UNC5B: variants seen among roughly 807,000 people sequenced by gnomAD.
UNC5B encodes netrin receptor UNC5B.
UNC5B carries 56 observed loss-of-function variants against 103.7 expected under a neutral mutation model. That is an observed-to-expected ratio of 0.54 (90% CI 0.44 to 0.67). The LOEUF is 0.67. Among genes scored for constraint, UNC5B ranks in the 30% least tolerant of loss-of-function variants. The pLI is 0.00. For synonymous variants in UNC5B, 577 were observed against 542.0 expected (o/e 1.06, Z -0.90); for missense variants, 1,194 against 1,284.5 (o/e 0.93, Z 1.08).
chr10:71,284,554 T>C lies in UNC5B; in HGVS notation c.305-166T>C, dbSNP rs567638558. On this transcript the variant is annotated intron_variant, in intron 2 of 16. Coordinates refer to ENST00000335350, the MANE Select transcript of UNC5B (RefSeq NM_170744.5). ...TTAGCCACTGCAATGTGCAGGTGAG[T>C]GGCCATGAAGCTTGAGCCAGGGTGG... 6.6e-5 allele frequency among the ~76,000 whole-genome samples: 10 copies of C among 152,046 alleles called. No individual in the cohort carries two copies. The South Asian group carries it at 2.1e-3, about 32-fold the overall frequency.
In UNC5B at chr10:71,286,735, C is replaced by T; in HGVS notation, c.599C>T (p.Thr200Ile). ...GATGTCATCGACCCCACCCAGGACA[C>T]CAACTTCCTGCTCACCATCGACCAC... ...NEDVIDPTQD[T>I]NFLLTIDHNL... Residue 200 changes from threonine (T) to isoleucine (I), a missense_variant, in exon 5 of 17, where the codon ACC (threonine) becomes ATC (isoleucine). Coordinates refer to ENST00000335350, the MANE Select transcript of UNC5B (RefSeq NM_170744.5). 6.2e-7 allele frequency: 1 copy of T among 1,614,230 alleles called. No homozygotes were observed. Among genetic ancestry groups the T allele is most frequent in the Non-Finnish European group, 8.5e-7 (1 of 1,180,044 alleles).
At chr10:71,284,619 C>T in intron 2 of UNC5B, 101 bp from the exon 3 acceptor site, 2 of 1,539,464 alleles carry the variant, frequency 1.3e-6, no homozygotes, top group South Asian at 1.2e-5. Context: ...GGCACTTGGG[C>T]AAGAGTGCCA....
chr10:71,235,085 C>CCTCTGA (rs1179388558), intron 1 of UNC5B, among the ~76,000 whole-genome samples: 1 of 89,438 alleles, frequency 1.1e-5, no homozygotes, highest in Non-Finnish European at 3.0e-5. Context: ...GCTGCCGCTG[C>CCTCTGA]CTCTGACTCT....
At chr10:71,279,753 G>A in intron 1 of UNC5B, 68 bp from the exon 2 acceptor site, 1 of 1,513,302 alleles carries the variant, frequency 6.6e-7, no homozygotes, top group East Asian at 2.4e-5. Context: ...GGGCCCCCGG[G>A]GTGGGCGAGG....
intron 2 of UNC5B, among the ~76,000 whole-genome samples, chr10:71,280,682 G>T (rs1384148938): frequency 6.6e-6 from 1 of 152,212 alleles, no homozygotes; most frequent in Admixed American, 6.5e-5. Context: ...AGAGGAGGAG[G>T]CAGAGCCCTG....
intron 1 of UNC5B, among the ~76,000 whole-genome samples, chr10:71,240,772 A>G (rs946515713): frequency 1.3e-5 from 2 of 152,226 alleles, no homozygotes; most frequent in Admixed American, 6.5e-5. Flanking sequence ...CTGGCTGTCC[A>G]TCTGTCTAGC....
At chr10:71,275,900 A>G (rs533554243) in intron 1 of UNC5B, among the ~76,000 whole-genome samples, 4 of 151,968 alleles carry the variant, frequency 2.6e-5, no homozygotes, top group Non-Finnish European at 4.4e-5. Flanking sequence ...ATTTGGCACC[A>G]TATCTTTGCA....
At chr10:71,266,565 G>A (rs1260770180) in intron 1 of UNC5B, among the ~76,000 whole-genome samples, 1 of 152,198 alleles carries the variant, frequency 6.6e-6, no homozygotes, top group Non-Finnish European at 1.5e-5. Flanking sequence ...CGCCCCACAC[G>A]AGTCTGTTTC....
intron 1 of UNC5B, among the ~76,000 whole-genome samples, chr10:71,252,641 C>G (rs528476708): frequency 3.9e-5 from 6 of 152,296 alleles, no homozygotes; most frequent in African/African-American, 1.2e-4. Context: ...CAACCCTAAC[C>G]CTATGAGGTA....
At chr10:71,273,510 A>T (rs570881443) in intron 1 of UNC5B, among the ~76,000 whole-genome samples, 28 of 152,328 alleles carry the variant, frequency 1.8e-4, no homozygotes, top group African/African-American at 6.3e-4. Flanking sequence ...AGACCCTCTG[A>T]GAGGTACAGT....
At chr10:71,239,642 C>T (rs1843851542) in intron 1 of UNC5B, among the ~76,000 whole-genome samples, 1 of 152,184 alleles carries the variant, frequency 6.6e-6, no homozygotes, top group African/African-American at 2.4e-5. Context: ...AGAGCCCACT[C>T]CACCCCCAGT....
At chr10:71,281,067 C>G (rs1564729444) in intron 2 of UNC5B, among the ~76,000 whole-genome samples, 1 of 152,136 alleles carries the variant, frequency 6.6e-6, no homozygotes. Context: ...ATCCCCCTCT[C>G]TCTGTCTCAC....
chr10:71,294,887 C>T (rs1845367109), intron 13 of UNC5B, among the ~76,000 whole-genome samples: 2 of 152,158 alleles, frequency 1.3e-5, no homozygotes, highest in African/African-American at 4.8e-5. Flanking sequence ...CCCAAGTTCT[C>T]CTCCCATTCT....
intron 1 of UNC5B, among the ~76,000 whole-genome samples, chr10:71,225,246 C>T (rs928549349): frequency 1.5e-5 from 2 of 130,068 alleles, no homozygotes; most frequent in African/African-American, 6.4e-5. Flanking sequence ...AGAGGTGCTT[C>T]AGAAACTGTT....
intron 1 of UNC5B, among the ~76,000 whole-genome samples, chr10:71,229,388 C>G (rs10999736): frequency 0.083 from 12,612 of 152,254 alleles, 650 homozygotes; most frequent in East Asian, 0.14. Flanking sequence ...AGGTCCTGCT[C>G]CAAGCCTGAG....
chr10:71,277,069 C>G (rs973780965), intron 1 of UNC5B, among the ~76,000 whole-genome samples: 1 of 152,208 alleles, frequency 6.6e-6, no homozygotes, highest in Admixed American at 6.5e-5. Context: ...GCCTGCTGCA[C>G]TAATGGATGT....
At chr10:71,285,529 C>G (rs544578090) in intron 4 of UNC5B, 100 bp downstream of exon 4, 5 of 1,006,578 alleles carry the variant, frequency 5.0e-6, no homozygotes, top group South Asian at 4.9e-5. Context: ...GCTAGTCTCC[C>G]AGAGCCCTGC....
At chr10:71,246,671 A>G (rs1221851858) in intron 1 of UNC5B, among the ~76,000 whole-genome samples, 2 of 152,116 alleles carry the variant, frequency 1.3e-5, no homozygotes, top group Non-Finnish European at 2.9e-5. Context: ...AGGATGAACA[A>G]TGAATATAAT....
rs17546061 is a variant in UNC5B at position 71,295,861 on chromosome 10, G to T, written c.2226G>T (p.Pro742=). Residue 742 remains proline (P), a synonymous_variant, in exon 14 of 17, where the codon CCG becomes CCT. Coordinates refer to ENST00000335350, the MANE Select transcript of UNC5B (RefSeq NM_170744.5). ...TGGGCGGATACTTGGTGGAGGAGCC[G>T]AAACCGCTAATGTTCAAGGACAGTT... ...RTLGGYLVEE[P]KPLMFKDSYH... 1.2e-6 allele frequency: 2 copies of T among 1,613,118 alleles called. No individual in the cohort carries two copies. Among genetic ancestry groups the T allele is most frequent in the Admixed American group, 3.3e-5 (2 of 60,026 alleles).
Sources: gnomAD v4.1 joint callset for allele counts (sites outside exome capture counted in the v4.1 genomes callset) on GRCh38, gnomAD v4.1.1 for gene constraint, MANE v1.5 for transcripts, NCBI Gene and HGNC (gene_info 2026-07-23, HGNC 2026-07-21) for gene names.